ENKUR: variants seen among roughly 807,000 people sequenced by gnomAD.
ENKUR encodes enkurin.
ENKUR carries 19 observed loss-of-function variants against 27.6 expected under a neutral mutation model. The observed-to-expected ratio is 0.69, with a 90% CI of 0.48 to 1.01. ENKUR has a LOEUF of 1.01. Among genes scored for constraint, ENKUR ranks in the 50% least tolerant of loss-of-function variants. The probability of loss-of-function intolerance (pLI) is 0.00; values close to 1 mark genes in which losing one functional copy is unlikely to be tolerated. For synonymous variants in ENKUR, 117 were observed against 96.9 expected (o/e 1.21, Z -1.22); for missense variants, 312 against 310.5 (o/e 1.00, Z -0.04).
At chr10:25,023,532 A>G (rs373760754) in intron 2 of ENKUR, 27 of 1,614,044 alleles carry the variant, frequency 1.7e-5, no homozygotes, top group Non-Finnish European at 1.6e-5. Flanking sequence ...CTGAAAAATT[A>G]CAGGATGTTG....
intron 4 of ENKUR, among the ~76,000 whole-genome samples, chr10:24,987,752 A>T (rs1849810870): frequency 6.6e-6 from 1 of 152,156 alleles, no homozygotes; most frequent in Non-Finnish European, 1.5e-5. Context: ...TTGGTAAATG[A>T]GTTTTAGTCC....
intron 2 of ENKUR, chr10:25,026,124 C>G (rs1850847356): frequency 6.3e-6 from 1 of 159,172 alleles, no homozygotes; most frequent in Non-Finnish European, 1.5e-5. Flanking sequence ...GGTGATCCAT[C>G]CACCTCGGCC....
intron 3 of ENKUR, among the ~76,000 whole-genome samples, chr10:24,994,268 C>A (rs1212026214): frequency 2.7e-5 from 4 of 149,796 alleles, no homozygotes; most frequent in South Asian, 2.1e-4. Context: ...TCCTTCCTTC[C>A]TTTCCTTTCT....
chr10:25,050,488 C>A (rs915747368), intron 2 of ENKUR, among the ~76,000 whole-genome samples: 1 of 152,118 alleles, frequency 6.6e-6, no homozygotes, highest in Non-Finnish European at 1.5e-5. Flanking sequence ...CTTTATAAAA[C>A]CGTTAGATTT....
intron 4 of ENKUR, among the ~76,000 whole-genome samples, chr10:24,989,050 C>T (rs1235331358): frequency 2.0e-5 from 3 of 152,010 alleles, no homozygotes; most frequent in Non-Finnish European, 2.9e-5. Flanking sequence ...TTATCTCCTA[C>T]AGCCAAAAAG....
chr10:25,057,319 T>G (rs897945144), intron 2 of ENKUR, among the ~76,000 whole-genome samples: 1 of 150,736 alleles, frequency 6.6e-6, no homozygotes, highest in Non-Finnish European at 1.5e-5. Flanking sequence ...CTTGTATAGT[T>G]TACAGCTAAC....
At chr10:24,994,671 A>G (rs1850004658) in intron 3 of ENKUR, among the ~76,000 whole-genome samples, 1 of 152,136 alleles carries the variant, frequency 6.6e-6, no homozygotes, top group African/African-American at 2.4e-5. Flanking sequence ...TAAGCTTTAT[A>G]AGTGCGCAAA....
intron 2 of ENKUR, chr10:25,026,197 C>T (rs957479022): frequency 6.0e-6 from 1 of 166,458 alleles, no homozygotes; most frequent in Non-Finnish European, 1.5e-5. Context: ...TGTTTTTAAC[C>T]CTCCTCAAAT....
chr10:25,033,215 T>G (rs1176822961), intron 2 of ENKUR, among the ~76,000 whole-genome samples: 1 of 151,882 alleles, frequency 6.6e-6, no homozygotes, highest in Non-Finnish European at 1.5e-5. Flanking sequence ...AAGACCAGCC[T>G]GGTTAACATA....
At position 25,024,961 on chromosome 10, in the gene ENKUR, G is replaced by A. The variant is rs1399303142; in HGVS notation, c.38-29092C>T. 20 of 1,613,962 alleles carry A rather than the reference G, an allele frequency of 1.2e-5. No individual in the cohort carries two copies. The highest frequency in any genetic ancestry group is 1.7e-5 in the Non-Finnish European group (20 of 1,180,040). Reference sequence around the variant, plus strand: ...CCTAGAACGACATTTACACTTGATGGCTAATAAAGATGGACAGCTAATGAC... The same window carrying A: ...CCTAGAACGACATTTACACTTGATGACTAATAAAGATGGACAGCTAATGAC... On this transcript the variant is annotated intron_variant, in intron 2 of 5. Coordinates refer to the ENKUR transcript ENST00000615958.
upstream of ENKUR, among the ~76,000 whole-genome samples, chr10:25,018,209 ACTTTT>A (rs1850647730): frequency 6.6e-6 from 1 of 152,192 alleles, no homozygotes; most frequent in African/African-American, 2.4e-5. Flanking sequence ...TTGGAAAAAA[ACTTTT>A]CTTTTTTCTT....
At chr10:24,998,175 T>G (rs1255070398) in intron 2 of ENKUR, among the ~76,000 whole-genome samples, 1 of 152,208 alleles carries the variant, frequency 6.6e-6, no homozygotes, top group Non-Finnish European at 1.5e-5. Flanking sequence ...TCACTTTTGT[T>G]AAAATGTACA....
intron 1 of ENKUR, among the ~76,000 whole-genome samples, chr10:25,005,894 T>C: frequency 6.6e-6 from 1 of 152,232 alleles, no homozygotes; most frequent in South Asian, 2.1e-4. Flanking sequence ...AGTATGTAGT[T>C]AATGTATTCA....
chr10:25,038,520 C>T (rs1470052295), intron 2 of ENKUR, among the ~76,000 whole-genome samples: 2 of 152,124 alleles, frequency 1.3e-5, no homozygotes, highest in Admixed American at 6.6e-5. Flanking sequence ...TTGATATATG[C>T]CCTTTATGAG....
chr10:25,035,418 G>A (rs1372595822), intron 2 of ENKUR, among the ~76,000 whole-genome samples: 1 of 152,128 alleles, frequency 6.6e-6, no homozygotes, highest in African/African-American at 2.4e-5. Context: ...AGCTGGGCGT[G>A]GTGGTGCACA....
At position 25,007,790 on chromosome 10, in the gene ENKUR, T is replaced by C. The variant is rs985192704; in HGVS notation, c.77+8070A>G. ...TCAAAATAAACATTAAGCCAGTAAA[T>C]GCATATGGAAGCCACAATGTTCCTT... On this transcript the variant is annotated intron_variant, in intron 1 of 5. Coordinates refer to ENST00000331161, the MANE Select transcript of ENKUR (RefSeq NM_145010.4). Among the ~76,000 whole-genome samples the C allele has an allele frequency of 2.2e-4, 33 of 151,994 alleles. 1 individual carries two copies. The highest frequency in any genetic ancestry group is 4.6e-4 in the Admixed American group (7 of 15,236).
chr10:25,054,942 T>A (rs1851236372), intron 2 of ENKUR, among the ~76,000 whole-genome samples: 1 of 152,142 alleles, frequency 6.6e-6, no homozygotes, highest in Admixed American at 6.5e-5. Flanking sequence ...CCCCAAGTGT[T>A]GAGATTACAG....
At chr10:25,019,639 T>G (rs902330921), upstream of ENKUR, among the ~76,000 whole-genome samples, 1 of 152,352 alleles carries the variant, frequency 6.6e-6, no homozygotes, top group East Asian at 1.9e-4. Flanking sequence ...ATGCAAATAC[T>G]ACACCATTTT....
At chr10:25,055,332 A>T (rs1004644345) in intron 2 of ENKUR, among the ~76,000 whole-genome samples, 3 of 144,514 alleles carry the variant, frequency 2.1e-5, no homozygotes, top group African/African-American at 7.6e-5. Flanking sequence ...GCCACTTCTA[A>T]AAAAAAAAAA....
Sources: allele counts gnomAD v4.1 joint callset (sites outside exome capture counted in the v4.1 genomes callset), GRCh38; gene constraint gnomAD v4.1.1; transcripts MANE v1.5; gene names NCBI Gene and HGNC (gene_info 2026-07-23, HGNC 2026-07-21).